PLCL2: variants seen among roughly 807,000 people sequenced by gnomAD.
PLCL2 encodes phospholipase C like 2.
Under a neutral mutation model 79.6 loss-of-function variants are expected in PLCL2, and 4 were observed. The observed-to-expected ratio is 0.05, with a 90% CI of 0.02 to 0.11. PLCL2 has a LOEUF of 0.11. Ranked by LOEUF, PLCL2 falls within the 10% of genes least tolerant of loss-of-function variation. The pLI is 1.00. For missense variants in PLCL2, 895 were observed against 1,291.0 expected (o/e 0.69, Z 4.70); for synonymous variants, 484 against 457.7 (o/e 1.06, Z -0.73).
chr3:16,924,092 A>G (rs975105645), intron 1 of PLCL2, among the ~76,000 whole-genome samples: 1 of 152,218 alleles, frequency 6.6e-6, no homozygotes, highest in African/African-American at 2.4e-5. Context: ...ATCTTTGATT[A>G]GTACATCCAA....
chr3:16,987,747 T>G (rs2064065144), intron 1 of PLCL2, among the ~76,000 whole-genome samples: 1 of 152,182 alleles, frequency 6.6e-6, no homozygotes, highest in South Asian at 2.1e-4. Flanking sequence ...ATATAAATTT[T>G]GATTCACGTA....
chr3:17,008,596 G>A (rs1018484562), intron 1 of PLCL2, among the ~76,000 whole-genome samples: 18 of 151,992 alleles, frequency 1.2e-4, no homozygotes, highest in African/African-American at 4.1e-4. Flanking sequence ...ATGATTCTGA[G>A]GCAGGTGGTC....
rs564736312 is a variant in PLCL2 at position 17,028,012 on chromosome 3, GTGTTTA to G, written c.3018+13105_3018+13110del. On this transcript the variant is annotated intron_variant, in intron 3 of 5. Transcript: ENST00000615277. The stretch of plus-strand genomic sequence containing the variant: ...ACTAATTTAACCTCACATATATTTA[GTGTTTA>G]TGTATAACCATGGTTGTGCTGCTTG... Among the ~76,000 whole-genome samples, 17 of 152,292 alleles carry G rather than the reference GTGTTTA, an allele frequency of 1.1e-4. No individual in the cohort carries two copies. In the East Asian group the frequency reaches 3.3e-3, roughly 29 times the overall value.
At chr3:17,028,561 C>T (rs552885054) in intron 3 of PLCL2, among the ~76,000 whole-genome samples, 1 of 151,776 alleles carries the variant, frequency 6.6e-6, no homozygotes, top group African/African-American at 2.4e-5. Context: ...ACTGCAGCCT[C>T]TGCCTCCTGG....
intron 5 of PLCL2, among the ~76,000 whole-genome samples, chr3:17,072,564 G>A (rs1203806973): frequency 1.3e-5 from 2 of 151,796 alleles, no homozygotes; most frequent in African/African-American, 4.8e-5. Flanking sequence ...AGCTACTTGG[G>A]AGGCTGAGGC....
At chr3:16,894,723 A>G (rs1173050705) in intron 1 of PLCL2, among the ~76,000 whole-genome samples, 1 of 151,888 alleles carries the variant, frequency 6.6e-6, no homozygotes. Flanking sequence ...ATCTTTTCAT[A>G]TGTTTCTTGG....
At chr3:16,947,339 CT>C (rs2063612580) in intron 1 of PLCL2, among the ~76,000 whole-genome samples, 2 of 152,162 alleles carry the variant, frequency 1.3e-5, no homozygotes. Flanking sequence ...TTGTTAAACT[CT>C]TACAGTTGTG....
At chr3:17,034,602 T>G (rs1313996764) in intron 3 of PLCL2, among the ~76,000 whole-genome samples, 2 of 152,210 alleles carry the variant, frequency 1.3e-5, no homozygotes, top group African/African-American at 2.4e-5. Flanking sequence ...TGATCTTACT[T>G]GTTTTCATTA....
intron 1 of PLCL2, among the ~76,000 whole-genome samples, chr3:16,994,666 T>C (rs1361554331): frequency 1.3e-5 from 2 of 152,264 alleles, no homozygotes; most frequent in African/African-American, 4.8e-5. Flanking sequence ...AGATTTCTAC[T>C]TGGTGTTTGA....
chr3:17,018,965 T>C (rs2064415314), intron 3 of PLCL2, among the ~76,000 whole-genome samples: 1 of 152,186 alleles, frequency 6.6e-6, no homozygotes. Context: ...TATAATTTAG[T>C]TGAAGAGATG....
rs568905400 is a variant in PLCL2, at chr3:16,896,200, T to C, written c.327+10834T>C. 4.6e-5 allele frequency among the ~76,000 whole-genome samples: 7 copies of C among 152,314 alleles called. No individual in the cohort carries two copies. In the South Asian group the frequency reaches 1.4e-3, roughly 32 times the overall value. On this transcript the variant is annotated intron_variant, in intron 1 of 5. Coordinates refer to ENST00000615277, the MANE Select transcript of PLCL2 (RefSeq NM_001144382.2). ...CTATTTAGGGCCGTGCCTTTTACAG[T>C]TTTTTGCTGTCTGTGGATCAGCATG...
intron 3 of PLCL2, among the ~76,000 whole-genome samples, chr3:17,034,767 T>A (rs919171806): frequency 2.6e-5 from 4 of 152,182 alleles, no homozygotes; most frequent in African/African-American, 4.8e-5. Context: ...AGGGTAAAAT[T>A]GGTTTCATTG....
intron 4 of PLCL2, among the ~76,000 whole-genome samples, chr3:17,045,778 A>T (rs1283581981): frequency 6.6e-6 from 1 of 152,236 alleles, no homozygotes; most frequent in Non-Finnish European, 1.5e-5. Context: ...TCAGGAATGA[A>T]GTACAGTCAT....
intron 1 of PLCL2, among the ~76,000 whole-genome samples, chr3:16,951,269 C>G (rs541624888): frequency 6.6e-6 from 1 of 151,992 alleles, no homozygotes; most frequent in Non-Finnish European, 1.5e-5. Flanking sequence ...ATATCCATCT[C>G]AGTGGTTTTC....
chr3:16,999,866 C>T (rs1057500094), intron 1 of PLCL2, among the ~76,000 whole-genome samples: 1 of 152,126 alleles, frequency 6.6e-6, no homozygotes, highest in Non-Finnish European at 1.5e-5. Flanking sequence ...TGTCATTTCT[C>T]TTTTGGATAG....
chr3:17,034,577 A>G (rs1039206039), intron 3 of PLCL2, among the ~76,000 whole-genome samples: 2 of 152,334 alleles, frequency 1.3e-5, no homozygotes, highest in East Asian at 3.9e-4. Context: ...AATTCACCAC[A>G]AATTGAGTAA....
chr3:17,018,933 T>C (rs983105226), intron 3 of PLCL2, among the ~76,000 whole-genome samples: 8 of 151,604 alleles, frequency 5.3e-5, no homozygotes, highest in Non-Finnish European at 1.2e-4. Context: ...TGAAAAAGAC[T>C]TTTTTTTTCC....
intron 1 of PLCL2, among the ~76,000 whole-genome samples, chr3:16,986,617 G>T (rs1299439756): frequency 6.6e-6 from 1 of 151,986 alleles, no homozygotes; most frequent in Middle Eastern, 3.2e-3. Context: ...TGGCCAGGCT[G>T]GTCTCTAACT....
intron 2 of PLCL2, 92 bp from the exon 3 acceptor site, chr3:17,014,616 G>C (rs1193864835): frequency 1.0e-5 from 10 of 993,230 alleles, no homozygotes; most frequent in Non-Finnish European, 1.6e-5. Flanking sequence ...GTACCAGGTG[G>C]TTCAAGCATA....
Sources: gnomAD v4.1 joint callset for allele counts (sites outside exome capture counted in the v4.1 genomes callset) on GRCh38, gnomAD v4.1.1 for gene constraint, MANE v1.5 for transcripts, NCBI Gene and HGNC (gene_info 2026-07-23, HGNC 2026-07-21) for gene names.